The following CHLSN variants were observed in gnomAD, a reference collection of about 807,000 sequenced individuals.
CHLSN encodes the protein protein cholesin.
At chr7:1,094,693 C>T in the CHLSN span, among the ~76,000 whole-genome samples, 40 of 152,200 alleles carry the variant, frequency 2.6e-4, no homozygotes, top group African/African-American at 9.4e-4. Flanking sequence ...TCTCTCTCCT[C>T]CTGTCTGTGG....
At chr7:1,023,270 G>A in the CHLSN span, among the ~76,000 whole-genome samples, 2 of 152,206 alleles carry the variant, frequency 1.3e-5, no homozygotes, top group African/African-American at 4.8e-5. This position sits in a 1 kb window ranked among gnomAD's most constrained non-coding sequence, Gnocchi z 5.0. Context: ...TGTGTGAGGT[G>A]TCCCCAACAG....
chr7:1,096,877 G>A, the CHLSN span, among the ~76,000 whole-genome samples: 1 of 152,212 alleles, frequency 6.6e-6, no homozygotes, highest in African/African-American at 2.4e-5. The surrounding 1 kb of genome is among the most constrained non-coding windows in gnomAD (Gnocchi z 4.6). Flanking sequence ...AGTCTTGGGG[G>A]GCAGGGTGGG....
the CHLSN span, chr7:984,480 G>A: frequency 1.3e-6 from 2 of 1,551,764 alleles, no homozygotes; most frequent in South Asian, 1.2e-5. Context: ...TGCTGACGGG[G>A]TTCGAGGCGG....
the CHLSN span, among the ~76,000 whole-genome samples, chr7:1,013,043 G>A: frequency 2.0e-5 from 3 of 152,184 alleles, no homozygotes; most frequent in Non-Finnish European, 4.4e-5. Flanking sequence ...CAGGTCGTGG[G>A]GAATGGGAGC....
the CHLSN span, among the ~76,000 whole-genome samples, chr7:1,130,363 A>G: frequency 6.6e-6 from 1 of 152,184 alleles, no homozygotes; most frequent in Non-Finnish European, 1.5e-5. Context: ...GGCTGTGGCC[A>G]GGACCTAAGG....
At chr7:1,073,518 C>T in the CHLSN span, among the ~76,000 whole-genome samples, 2 of 151,994 alleles carry the variant, frequency 1.3e-5, no homozygotes, top group Non-Finnish European at 2.9e-5. Flanking sequence ...TTTCTCACAA[C>T]TCCTTGAGAC....
At chr7:988,270 C>G in the CHLSN span, 137 of 1,572,164 alleles carry the variant, frequency 8.7e-5, no homozygotes, top group African/African-American at 1.7e-3. Context: ...CCCGGCTGCC[C>G]CCACAGGGCA....
chr7:1,021,847 C>A, the CHLSN span, among the ~76,000 whole-genome samples: 1 of 152,250 alleles, frequency 6.6e-6, no homozygotes. Context: ...GGGATGCGCG[C>A]CCTTCCGCGG....
At chr7:1,016,503 G>C in the CHLSN span, among the ~76,000 whole-genome samples, 11 of 112,598 alleles carry the variant, frequency 9.8e-5, 1 homozygote, top group African/African-American at 3.5e-4. Context: ...GCGCACAGCA[G>C]CACAGCAGCG....
chr7:1,129,593 A>G, the CHLSN span, among the ~76,000 whole-genome samples: 16 of 152,328 alleles, frequency 1.1e-4, no homozygotes, highest in South Asian at 4.1e-4. Flanking sequence ...CCACAGGCGC[A>G]TGCCACCATG....
chr7:1,064,585 G>A, the CHLSN span, among the ~76,000 whole-genome samples: 9 of 152,308 alleles, frequency 5.9e-5, no homozygotes, highest in East Asian at 5.8e-4. Context: ...CAGGAGAACC[G>A]AAGCTCAAAG....
chr7:979,304 C>G, the CHLSN span, among the ~76,000 whole-genome samples: 3 of 152,280 alleles, frequency 2.0e-5, no homozygotes, highest in African/African-American at 7.2e-5. Context: ...GGCTCTGCAC[C>G]TGCTCAGGGG....
chr7:1,038,551 G>A, the CHLSN span, among the ~76,000 whole-genome samples: 445 of 85,690 alleles, frequency 5.2e-3, no homozygotes, highest in African/African-American at 0.012. Flanking sequence ...CCCTCCGCCC[G>A]GCCAGCCGCC....
the CHLSN span, among the ~76,000 whole-genome samples, chr7:980,410 T>C: frequency 6.6e-6 from 1 of 152,200 alleles, no homozygotes; most frequent in Non-Finnish European, 1.5e-5. Context: ...TTGGCACACG[T>C]CTCTGCAGGG....
At chr7:1,126,766 C>A in the CHLSN span, among the ~76,000 whole-genome samples, 1 of 152,118 alleles carries the variant, frequency 6.6e-6, no homozygotes, top group African/African-American at 2.4e-5. Context: ...CAAATCTCAA[C>A]GTTATTCATA....
the CHLSN span, among the ~76,000 whole-genome samples, chr7:1,002,487 A>G: frequency 2.1e-5 from 1 of 47,834 alleles, no homozygotes; most frequent in Non-Finnish European, 3.9e-5. Context: ...GTGGGTGGGG[A>G]GTCCTGTGGG....
the CHLSN span, among the ~76,000 whole-genome samples, chr7:993,282 C>T: frequency 1.3e-5 from 2 of 152,314 alleles, no homozygotes; most frequent in Non-Finnish European, 2.9e-5. Context: ...TGGCACACGG[C>T]GCCCGGCCAG....
the CHLSN span, among the ~76,000 whole-genome samples, chr7:1,029,681 A>C: frequency 6.6e-6 from 1 of 152,240 alleles, no homozygotes. Context: ...TCAAGGCGTC[A>C]GGGTCCAGGA....
chr7:1,075,624 T>A, the CHLSN span, among the ~76,000 whole-genome samples: 1 of 132,662 alleles, frequency 7.5e-6, no homozygotes. Context: ...TTTTTTTTTT[T>A]GAGACAGAGT....
Sources: gnomAD v4.1 joint callset for allele counts (sites outside exome capture counted in the v4.1 genomes callset) on GRCh38, gnomAD v4.1.1 for gene constraint, Gnocchi (gnomAD v3.1) non-coding constraint, MANE v1.5 for transcripts, NCBI Gene and HGNC (gene_info 2026-07-23, HGNC 2026-07-21) for gene names.